GPC5: variants seen among roughly 807,000 people sequenced by gnomAD.
GPC5 encodes glypican 5.
A neutral mutation model predicts 53.9 loss-of-function variants in GPC5; 47 were observed. The observed-to-expected ratio is 0.87, with a 90% CI of 0.69 to 1.11. GPC5 has a LOEUF of 1.11. Ranked by LOEUF, GPC5 falls within the 50% of genes most tolerant of loss-of-function variation. GPC5 has a pLI of 0.00. For synonymous variants in GPC5, 286 were observed against 263.3 expected (o/e 1.09, Z -0.84); for missense variants, 748 against 713.1 (o/e 1.05, Z -0.56).
At chr13:92,692,297 T>G (rs537924144) in intron 7 of GPC5, among the ~76,000 whole-genome samples, 2 of 152,252 alleles carry the variant, frequency 1.3e-5, no homozygotes, top group Admixed American at 6.5e-5. Flanking sequence ...CTGAGTTGAT[T>G]CCCTTTCTTT....
intron 7 of GPC5, among the ~76,000 whole-genome samples, chr13:92,523,621 A>C (rs1881154262): frequency 6.6e-6 from 1 of 152,096 alleles, no homozygotes; most frequent in South Asian, 2.1e-4. Flanking sequence ...GTGAATTTTA[A>C]ATTAATCTGT....
chr13:92,720,221 T>G (rs1888467856), intron 7 of GPC5, among the ~76,000 whole-genome samples: 1 of 152,194 alleles, frequency 6.6e-6, no homozygotes, highest in Non-Finnish European at 1.5e-5. Flanking sequence ...GAAAACATTC[T>G]GCTTTTACAG....
chr13:92,839,726 TAATAA>T (rs1443979621), intron 7 of GPC5, among the ~76,000 whole-genome samples: 1 of 151,786 alleles, frequency 6.6e-6, no homozygotes, highest in African/African-American at 2.4e-5. Flanking sequence ...GAAAAAAAAA[TAATAA>T]AATAGACTGC....
At chr13:92,772,488 T>G (rs1173887539) in intron 7 of GPC5, among the ~76,000 whole-genome samples, 2 of 152,202 alleles carry the variant, frequency 1.3e-5, no homozygotes, top group Non-Finnish European at 2.9e-5. Flanking sequence ...GGTGTTATTT[T>G]TGGTTCAATT....
At chr13:92,402,208 C>T (rs1479612795) in intron 7 of GPC5, among the ~76,000 whole-genome samples, 5 of 152,044 alleles carry the variant, frequency 3.3e-5, no homozygotes, top group Non-Finnish European at 7.4e-5. Flanking sequence ...TGTATTCTAC[C>T]TCCTTAATAT....
At chr13:91,838,879 A>T (rs1309085706) in intron 5 of GPC5, among the ~76,000 whole-genome samples, 3 of 152,168 alleles carry the variant, frequency 2.0e-5, no homozygotes, top group Non-Finnish European at 4.4e-5. Context: ...TCATTTTCCT[A>T]GTTTTTAAAA....
At chr13:92,339,315 A>G (rs1188965538) in intron 7 of GPC5, among the ~76,000 whole-genome samples, 3 of 151,886 alleles carry the variant, frequency 2.0e-5, no homozygotes, top group Non-Finnish European at 4.4e-5. Flanking sequence ...GTGATGTGTT[A>G]ATTTTGGGGA....
rs1321269359 is a variant in GPC5 at position 92,804,031 on chromosome 13, G to T, written c.1562-62251G>T. ...GCGTAAAACTCAGATTCTCCTAACT[G>T]AGAAGTAAACTATTGGTGGGCACAA... On this transcript the variant is annotated intron_variant, in intron 7 of 7. Coordinates refer to ENST00000377067, the MANE Select transcript of GPC5 (RefSeq NM_004466.6). Among the ~76,000 whole-genome samples, 8 of 152,094 alleles carry T rather than the reference G, an allele frequency of 5.3e-5. No individual in the cohort carries two copies. In the East Asian group the frequency reaches 1.6e-3, roughly 30 times the overall value.
At chr13:92,487,569 C>G (rs1303776586) in intron 7 of GPC5, among the ~76,000 whole-genome samples, 1 of 152,088 alleles carries the variant, frequency 6.6e-6, no homozygotes, top group African/African-American at 2.4e-5. Context: ...GAGTAGAAAA[C>G]TTTCTGCATC....
chr13:92,846,980 T>C (rs908408860), intron 7 of GPC5, among the ~76,000 whole-genome samples: 3 of 152,190 alleles, frequency 2.0e-5, no homozygotes, highest in Admixed American at 2.0e-4. Flanking sequence ...TAGTGAGATA[T>C]TCTAAGACTA....
At chr13:91,751,878 C>T (rs539840432) in intron 4 of GPC5, among the ~76,000 whole-genome samples, 1 of 152,310 alleles carries the variant, frequency 6.6e-6, no homozygotes, top group South Asian at 2.1e-4. Flanking sequence ...ATGTGAAGTT[C>T]ATTACTTTAC....
chr13:91,721,073 CTTTCTTTCTTTCTTTCTT>C (rs1395213991), intron 3 of GPC5, among the ~76,000 whole-genome samples: 1 of 2,770 alleles, frequency 3.6e-4, no homozygotes, highest in African/African-American at 1.1e-3. Context: ...CCCTTTCTTT[CTTTCTTTCTTTCTTTCTT>C]TCTTTCTTTC....
At chr13:91,953,062 T>A (rs1406750239) in intron 6 of GPC5, among the ~76,000 whole-genome samples, 1 of 152,128 alleles carries the variant, frequency 6.6e-6, no homozygotes, top group Non-Finnish European at 1.5e-5. Flanking sequence ...AAAAGTAATA[T>A]AATCTTAAAA....
At chr13:92,117,623 G>T (rs572586982) in intron 6 of GPC5, among the ~76,000 whole-genome samples, 1 of 152,220 alleles carries the variant, frequency 6.6e-6, no homozygotes, top group South Asian at 2.1e-4. Flanking sequence ...TGAATACCAT[G>T]TATCTCTCCT....
chr13:91,497,488 C>T (rs1046461206), intron 2 of GPC5, among the ~76,000 whole-genome samples: 1 of 152,190 alleles, frequency 6.6e-6, no homozygotes, highest in Non-Finnish European at 1.5e-5. Flanking sequence ...TGTCTTATCT[C>T]TTCTTCATGC....
chr13:92,208,915 A>G (rs2042356079), intron 7 of GPC5, among the ~76,000 whole-genome samples: 1 of 152,256 alleles, frequency 6.6e-6, no homozygotes, highest in African/African-American at 2.4e-5. Flanking sequence ...CATCCTTTTC[A>G]AGTTCACAGA....
At chr13:92,345,816 G>T (rs2043406663) in intron 7 of GPC5, among the ~76,000 whole-genome samples, 1 of 152,098 alleles carries the variant, frequency 6.6e-6, no homozygotes, top group Non-Finnish European at 1.5e-5. Context: ...TGGGGCTAAA[G>T]GCATACCTAA....
chr13:92,052,070 G>A (rs998882185), intron 6 of GPC5, among the ~76,000 whole-genome samples: 4 of 152,208 alleles, frequency 2.6e-5, no homozygotes, highest in Admixed American at 6.5e-5. Flanking sequence ...AAAACAGAAT[G>A]TGTATTAGGT....
intron 7 of GPC5, among the ~76,000 whole-genome samples, chr13:92,313,136 T>A (rs968367240): frequency 5.3e-5 from 8 of 152,100 alleles, no homozygotes; most frequent in African/African-American, 1.4e-4. Context: ...GAAATGATAA[T>A]TCCAAATGTT....
Sources: gnomAD v4.1 joint callset for allele counts (sites outside exome capture counted in the v4.1 genomes callset) on GRCh38, gnomAD v4.1.1 for gene constraint, MANE v1.5 for transcripts, NCBI Gene and HGNC (gene_info 2026-07-23, HGNC 2026-07-21) for gene names.